SNX27: variants seen among roughly 807,000 people sequenced by gnomAD.
SNX27 encodes the protein sorting nexin-27.
SNX27 carries 22 observed loss-of-function variants against 71.6 expected under a neutral mutation model. That is an observed-to-expected ratio of 0.31 (90% confidence interval 0.22 to 0.44). The LOEUF (loss-of-function observed/expected upper bound fraction) is 0.44. Ranked by LOEUF, SNX27 falls within the 20% of genes least tolerant of loss-of-function variation. The pLI, the probability that SNX27 is intolerant of heterozygous loss-of-function variation, is 1.00. For missense variants in SNX27, 531 were observed against 698.6 expected (o/e 0.76, Z 2.70); for synonymous variants, 269 against 277.2 (o/e 0.97, Z 0.29).
intron 1 of SNX27, among the ~76,000 whole-genome samples, chr1:151,627,580 C>T (rs868480387): frequency 1.3e-5 from 2 of 152,046 alleles, no homozygotes; most frequent in Non-Finnish European, 2.9e-5. Context: ...TCACACTGTT[C>T]TTGGTGTTTT....
At chr1:151,693,980 T>C (rs974456568) in intron 11 of SNX27, 2 of 1,232,370 alleles carry the variant, frequency 1.6e-6, no homozygotes, top group Non-Finnish European at 2.0e-6. Context: ...TAGTTACTTA[T>C]TCTCAAAGAA....
At chr1:151,692,349 T>A in intron 8 of SNX27, 86 bp from the exon 9 acceptor site, 1 of 1,405,042 alleles carries the variant, frequency 7.1e-7, no homozygotes, top group African/African-American at 1.5e-5. Flanking sequence ...GCACCACATC[T>A]CAATAGCTCT....
chr1:151,637,130 G>T (rs1316098164), intron 1 of SNX27, among the ~76,000 whole-genome samples: 1 of 149,098 alleles, frequency 6.7e-6, no homozygotes, highest in Non-Finnish European at 1.5e-5. Context: ...TTACCATGCT[G>T]GTATATGATC....
At chr1:151,654,774 C>T (rs890635197) in intron 2 of SNX27, among the ~76,000 whole-genome samples, 2 of 152,102 alleles carry the variant, frequency 1.3e-5, no homozygotes, top group African/African-American at 4.8e-5. Context: ...AGACAGAGAG[C>T]AAATGGGGCC....
intron 8 of SNX27, 121 bp from the exon 9 acceptor site, chr1:151,692,314 G>A: frequency 7.8e-7 from 1 of 1,290,118 alleles, no homozygotes; most frequent in Non-Finnish European, 1.0e-6. Flanking sequence ...GTTGTTGGGT[G>A]AGAATACTCT....
At chr1:151,614,723 G>A (rs903007766) in intron 1 of SNX27, among the ~76,000 whole-genome samples, 3 of 152,114 alleles carry the variant, frequency 2.0e-5, no homozygotes, top group Non-Finnish European at 4.4e-5. Flanking sequence ...TTTCCCTTTG[G>A]AAGTTAATTT....
Position 151,649,717 on chromosome 1 carries a change from A to T in SNX27, c.544-8518A>T, listed in dbSNP as rs949126706. On this transcript the variant is annotated intron_variant, in intron 2 of 11. Transcript: ENST00000458013. ...ACCTTCAAAGTTTACTCTCTTTTTA[A>T]AAAACAGAGACAGGGTCTCACTCAG... is the stretch of plus-strand genomic sequence containing the variant. Among the ~76,000 whole-genome samples the T allele has an allele frequency of 6.6e-5, 10 of 152,002 alleles. No homozygotes were observed. In the South Asian group the frequency reaches 2.1e-3, roughly 32 times the overall value.
intron 1 of SNX27, among the ~76,000 whole-genome samples, chr1:151,616,698 G>A (rs1421154925): frequency 6.6e-6 from 1 of 151,520 alleles, no homozygotes; most frequent in Non-Finnish European, 1.5e-5. Context: ...AATTCTATTT[G>A]ACTGATATTT....
intron 7 of SNX27, 131 bp downstream of exon 7, chr1:151,668,766 TTCTATCCC>T: frequency 1.5e-6 from 1 of 659,762 alleles, no homozygotes; most frequent in Non-Finnish European, 2.4e-6. Context: ...TTGTAAAATG[TTCTATCCC>T]ATTTCACGAA....
chr1:151,628,483 A>G (rs2102613003), intron 1 of SNX27, among the ~76,000 whole-genome samples: 1 of 152,046 alleles, frequency 6.6e-6, no homozygotes, highest in Middle Eastern at 3.4e-3. Context: ...GTGTAGATGT[A>G]AGTTTTCAGC....
At chr1:151,668,379 A>C in intron 6 of SNX27, 93 bp from the exon 7 acceptor site, 26 of 1,171,258 alleles carry the variant, frequency 2.2e-5, no homozygotes, top group Non-Finnish European at 2.7e-5. Flanking sequence ...GTTAATGATA[A>C]CATACCATTC....
intron 1 of SNX27, among the ~76,000 whole-genome samples, chr1:151,625,887 G>A (rs2102607277): frequency 6.6e-6 from 1 of 151,982 alleles, no homozygotes; most frequent in East Asian, 1.9e-4. Context: ...GGCAGAGGTT[G>A]TAGTGAGCCG....
rs1195951215 is a variant in SNX27, at chr1:151,642,013, T to C, written c.543+2894T>C. ...ATATATGAGATATATATATCAGATA[T>C]AGATATATATGAGATATATATATAT... On this transcript the variant is annotated intron_variant, in intron 2 of 11. Coordinates refer to ENST00000458013, the MANE Select transcript of SNX27 (RefSeq NM_001330723.2). Among the ~76,000 whole-genome samples the C allele has an allele frequency of 2.1e-5, 3 of 146,206 alleles. No homozygotes were observed. The Admixed American group carries it at 2.1e-4, about 10-fold the overall frequency.
chr1:151,612,462 G>C lies in SNX27; in HGVS notation c.261G>C (p.Gly87=), dbSNP rs1380455551. ...AGCATGTGAGCGCCGTGCTGCCCGG[G>C]GGGGCGGCCGATCGGGCCGGGGTGC... is the stretch of plus-strand genomic sequence containing the variant. ...PLQHVSAVLP[G]GAADRAGVRK... The change falls in exon 1 of 12, where the codon GGG becomes GGC. Residue 87 remains glycine, a synonymous_variant. Coordinates refer to ENST00000458013, the MANE Select transcript of SNX27 (RefSeq NM_001330723.2). This position sits in a 1 kb window ranked among gnomAD's most constrained non-coding sequence, Gnocchi z 5.2. 3 of 1,426,302 alleles carry C rather than the reference G, an allele frequency of 2.1e-6. No individual in the cohort carries two copies. The highest frequency in any genetic ancestry group is 2.8e-5 in the East Asian group (1 of 35,506). 88.4% of individuals were successfully genotyped at this position (1,426,302 alleles called of 1,614,324 possible). A position where few individuals can be genotyped will look rare whatever the true frequency, so the allele number is the denominator to read the frequency against.
intron 1 of SNX27, among the ~76,000 whole-genome samples, chr1:151,632,164 T>G (rs1056424284): frequency 2.0e-5 from 3 of 150,010 alleles, no homozygotes; most frequent in African/African-American, 7.3e-5. Flanking sequence ...CGGAGGTTGT[T>G]TTTTTTTTTT....
intron 7 of SNX27, among the ~76,000 whole-genome samples, chr1:151,671,921 C>G (rs1670467425): frequency 6.6e-6 from 1 of 152,044 alleles, no homozygotes; most frequent in Admixed American, 6.6e-5. Flanking sequence ...TTAGGTTTTT[C>G]CAAGTATAAG....
intron 1 of SNX27, among the ~76,000 whole-genome samples, chr1:151,621,367 A>G (rs1667666764): frequency 1.3e-5 from 2 of 152,200 alleles, no homozygotes; most frequent in Non-Finnish European, 2.9e-5. Flanking sequence ...AAGGAGTTGT[A>G]TTTGAGTACT....
chr1:151,688,015 A>G (rs904328816), intron 8 of SNX27, among the ~76,000 whole-genome samples: 5 of 151,758 alleles, frequency 3.3e-5, no homozygotes, highest in Non-Finnish European at 7.4e-5. Flanking sequence ...TGTCTTGCTG[A>G]ATATTGAACA....
At chr1:151,688,702 T>C (rs1034996613) in intron 8 of SNX27, among the ~76,000 whole-genome samples, 11 of 151,990 alleles carry the variant, frequency 7.2e-5, no homozygotes, top group African/African-American at 2.7e-4. Flanking sequence ...TGTAACTCAT[T>C]TTAGGTTTAG....
Sources: allele counts gnomAD v4.1 joint callset (sites outside exome capture counted in the v4.1 genomes callset), GRCh38; gene constraint gnomAD v4.1.1; non-coding constraint Gnocchi (gnomAD v3.1); transcripts MANE v1.5; gene names NCBI Gene and HGNC (gene_info 2026-07-23, HGNC 2026-07-21).